Variants in PSIP1 observed in about 807,000 individuals in gnomAD.
PSIP1 encodes the protein PC4 and SFRS1-interacting protein.
In PSIP1, 19 loss-of-function variants were observed where a neutral mutation model predicts 74.7. That is an observed-to-expected ratio of 0.25 (90% CI 0.18 to 0.37). The LOEUF is 0.37. Among genes scored for constraint, PSIP1 ranks in the 10% least tolerant of loss-of-function variants. PSIP1 has a pLI of 1.00. For missense variants in PSIP1, 601 were observed against 614.3 expected, an observed-to-expected ratio of 0.98 and a Z score of 0.23; for synonymous variants, 222 against 195.3, an observed-to-expected ratio of 1.14 and a Z score of -1.14.
intron 10 of PSIP1, chr9:15,471,254 T>C (rs768703285): frequency 7.5e-6 from 12 of 1,592,284 alleles, no homozygotes; most frequent in East Asian, 4.5e-5. Context: ...TACAATAAAC[T>C]TTATTTTGCA....
Position 15,472,770 on chromosome 9 carries a change from G to A in PSIP1, c.859-20C>T, listed in dbSNP as rs1451633116. On this transcript the variant is annotated intron_variant, in intron 9 of 15. Coordinates refer to ENST00000380733, the MANE Select transcript of PSIP1 (RefSeq NM_033222.5). ...TCTCTTCTGTTTTGAGAATTAGGAT[G>A]GTTTTATTTAACTATAAAGTCAGTG... 2 of 1,588,046 alleles carry A rather than the reference G, an allele frequency of 1.3e-6. No homozygotes were observed. Among genetic ancestry groups the A allele is most frequent in the African/African-American group, 1.4e-5 (1 of 73,438 alleles).
rs767069695 is a variant in PSIP1, at chr9:15,510,180, G to C, written c.9C>G (p.Arg3=). 51 of 1,604,632 alleles carry C rather than the reference G, an allele frequency of 3.2e-5. No individual in the cohort carries two copies. Among genetic ancestry groups the C allele is most frequent in the African/African-American group, 2.8e-4 (21 of 73,694 alleles). ...AGATGAGGTCTCCAGGTTTGAAATC[G>C]CGAGTCATGTTTCGGGGGCGAGACC... MT[R]DFKPGDLIFA... The change falls in exon 2 of 16, where the codon CGC becomes CGG. Residue 3 remains arginine, a synonymous_variant. Transcript: ENST00000380733.
chr9:15,473,867 C>T, intron 9 of PSIP1, 142 bp downstream of exon 9: 1 of 602,082 alleles, frequency 1.7e-6, no homozygotes, highest in African/African-American at 2.0e-5. Flanking sequence ...TGCCACTGCA[C>T]TCCAGCCTAA....
chr9:15,491,196 T>C (rs1435284385), intron 3 of PSIP1, among the ~76,000 whole-genome samples: 1 of 152,224 alleles, frequency 6.6e-6, no homozygotes, highest in Non-Finnish European at 1.5e-5. Context: ...GTAAAGCACA[T>C]TATAACCTTC....
intron 3 of PSIP1, among the ~76,000 whole-genome samples, chr9:15,490,558 C>T (rs549268863): frequency 2.9e-4 from 44 of 151,980 alleles, no homozygotes; most frequent in Admixed American, 6.5e-4. Flanking sequence ...TGGCGTGCAC[C>T]TGTAGTCCCA....
At chr9:15,490,560 G>A (rs1159038288) in intron 3 of PSIP1, among the ~76,000 whole-genome samples, 1 of 151,766 alleles carries the variant, frequency 6.6e-6, no homozygotes, top group Non-Finnish European at 1.5e-5. Flanking sequence ...GCGTGCACCT[G>A]TAGTCCCAGC....
At position 15,470,103 on chromosome 9, in the gene PSIP1, A is replaced by C. The variant is rs553508329; in HGVS notation, c.978-110T>G. Reference sequence around the variant, plus strand: ...TTTCCTTAAAATAAGTCAATAGCCTAGACTGCAAAGGAACTGACTGTAGCT... The same window carrying C: ...TTTCCTTAAAATAAGTCAATAGCCTCGACTGCAAAGGAACTGACTGTAGCT... On this transcript the variant is annotated intron_variant, in intron 10 of 15. Transcript: ENST00000380733. 7.5e-6 allele frequency: 6 copies of C among 799,306 alleles called. No homozygotes were observed. The South Asian group carries it at 7.5e-5, about 10-fold the overall frequency. The allele number at this position is 799,306 out of a possible 1,614,324, so 49.5% of individuals were successfully genotyped here.
At chr9:15,502,141 A>C (rs1028964517) in intron 3 of PSIP1, among the ~76,000 whole-genome samples, 2 of 152,110 alleles carry the variant, frequency 1.3e-5, no homozygotes, top group Non-Finnish European at 2.9e-5. Context: ...TTTTCATCCC[A>C]AAACCATCCC....
intron 6 of PSIP1, among the ~76,000 whole-genome samples, chr9:15,480,837 T>C (rs1051447551): frequency 2.0e-5 from 3 of 152,154 alleles, no homozygotes; most frequent in Non-Finnish European, 2.9e-5. Flanking sequence ...GGAGAATTGC[T>C]GGAACTCAGG....
intron 3 of PSIP1, chr9:15,491,935 G>A (rs113684446): frequency 1.3e-5 from 2 of 152,150 alleles, no homozygotes; most frequent in African/African-American, 4.8e-5. Context: ...ACTATCACAA[G>A]AACAACATGG....
At chr9:15,477,979 T>C (rs984297208) in intron 8 of PSIP1, among the ~76,000 whole-genome samples, 4 of 151,430 alleles carry the variant, frequency 2.6e-5, no homozygotes, top group African/African-American at 9.7e-5. Flanking sequence ...TCAAAAAAAG[T>C]TAGCCAGGTG....
intron 3 of PSIP1, among the ~76,000 whole-genome samples, chr9:15,493,339 T>A (rs980748786): frequency 6.6e-6 from 1 of 152,170 alleles, no homozygotes; most frequent in African/African-American, 2.4e-5. Flanking sequence ...TGAGACCACC[T>A]CAGCCTGGAG....
intron 3 of PSIP1, among the ~76,000 whole-genome samples, chr9:15,504,477 G>A (rs115311018): frequency 1.3e-4 from 19 of 151,950 alleles, no homozygotes; most frequent in African/African-American, 1.9e-4. Context: ...GTATAAAATC[G>A]GTTCCATTCC....
rs547420841 is a variant in PSIP1, at chr9:15,482,951, C to G, written c.456+3055G>C. 2.6e-5 allele frequency among the ~76,000 whole-genome samples: 4 copies of G among 152,282 alleles called. No individual in the cohort carries two copies. In the South Asian group the frequency reaches 8.3e-4, roughly 32 times the overall value. The stretch of plus-strand genomic sequence containing the variant: ...GTACCCTCTCTAAATCAGGACATTA[C>G]TGACCACTTCTTCATTCTGGACATT... On this transcript the variant is annotated intron_variant, in intron 6 of 15. Transcript: ENST00000380733.
intron 3 of PSIP1, among the ~76,000 whole-genome samples, chr9:15,493,554 TAGTC>T (rs1239961693): frequency 2.6e-5 from 4 of 152,206 alleles, no homozygotes; most frequent in South Asian, 4.1e-4. Flanking sequence ...TTTACCATAT[TAGTC>T]AGTTCTCACA....
At chr9:15,471,926 CAGAG>C in intron 10 of PSIP1, 1 of 981,084 alleles carries the variant, frequency 1.0e-6, no homozygotes, top group Non-Finnish European at 1.2e-6. Context: ...AAAAGCATGT[CAGAG>C]AAAGAACTCA....
intron 6 of PSIP1, among the ~76,000 whole-genome samples, chr9:15,480,343 G>T (rs2036282805): frequency 6.6e-6 from 1 of 152,148 alleles, no homozygotes; most frequent in South Asian, 2.1e-4. Flanking sequence ...GAGGAGATGG[G>T]CTCCTTCCCC....
Position 15,506,629 on chromosome 9 carries a change from T to A in PSIP1, c.81A>T (p.Glu27Asp), listed in dbSNP as rs773350105. The A allele has an allele frequency of 6.2e-7, 1 of 1,609,368 alleles. No homozygotes were observed. Among genetic ancestry groups the A allele is most frequent in the African/African-American group, 1.3e-5 (1 of 74,910 alleles). The stretch of plus-strand genomic sequence containing the variant: ...GTGGCTTTACAGCTCCATCAGGAAC[T>A]TCGTCTACCTAAAAGAAAAGTGAGA... ...GYPHWPARVDEVPDGAVKPPT... is the reference protein window; with the variant it reads ...GYPHWPARVDDVPDGAVKPPT... The change falls in exon 3 of 16, where the codon GAA (glutamate) becomes GAT (aspartate). Residue 27 changes from glutamate to aspartate, a missense_variant. Around this residue, in one of 2 missense-constraint regions of PSIP1, gnomAD observed 63 missense variants for 106.7 expected, o/e 0.59. Coordinates refer to ENST00000380733, the MANE Select transcript of PSIP1 (RefSeq NM_033222.5).
rs371374271 is a variant in PSIP1 at position 15,472,800 on chromosome 9, G to C, written c.859-50C>G. 45 of 1,476,748 alleles carry C rather than the reference G, an allele frequency of 3.0e-5. No individual in the cohort carries two copies. In the African/African-American group the frequency reaches 6.0e-4, roughly 20 times the overall value. 91.5% of individuals were successfully genotyped at this position (1,476,748 alleles called of 1,614,324 possible). A position where few individuals can be genotyped will look rare whatever the true frequency, so the allele number is the denominator to read the frequency against. Reference sequence around the variant, plus strand: ...TATTTAACTATAAAGTCAGTGACTAGTGCTTATGGAATTATAATCTTGGGG... The same window carrying C: ...TATTTAACTATAAAGTCAGTGACTACTGCTTATGGAATTATAATCTTGGGG... On this transcript the variant is annotated intron_variant, in intron 9 of 15. Coordinates refer to ENST00000380733, the MANE Select transcript of PSIP1 (RefSeq NM_033222.5).
Sources: allele counts gnomAD v4.1 joint callset (sites outside exome capture counted in the v4.1 genomes callset), GRCh38; gene constraint gnomAD v4.1.1; regional missense constraint gnomAD v4.1.1; transcripts MANE v1.5; gene names NCBI Gene and HGNC (gene_info 2026-07-23, HGNC 2026-07-21).